KLC2: variants seen among roughly 807,000 people sequenced by gnomAD.
KLC2 encodes KLC 2.
In KLC2, 35 loss-of-function variants were observed where a neutral mutation model predicts 75.1. The observed-to-expected ratio is 0.47, with a 90% CI of 0.36 to 0.62. The LOEUF (loss-of-function observed/expected upper bound fraction) is 0.62. Ranked by LOEUF, KLC2 falls within the 20% of genes least tolerant of loss-of-function variation. The pLI is 0.00. For missense variants in KLC2, 611 were observed against 833.2 expected, an observed-to-expected ratio of 0.73 and a Z score of 3.28; for synonymous variants, 314 against 336.7, an observed-to-expected ratio of 0.93 and a Z score of 0.74.
Position 66,267,846 on chromosome 11 carries a change from A to G in KLC2, c.*890A>G. 1 of 431,988 alleles carries G rather than the reference A, an allele frequency of 2.3e-6. No individual in the cohort carries two copies. Among genetic ancestry groups the G allele is most frequent in the Non-Finnish European group, 4.1e-6 (1 of 246,222 alleles). 26.8% of individuals were successfully genotyped at this position (431,988 alleles called of 1,614,324 possible). A position where few individuals can be genotyped will look rare whatever the true frequency, so the allele number is the denominator to read the frequency against. ...TTCAGATGTTGCTGTAGAAATAAAG[A>G]CGGTTTAAATCTGAGCTGGGCTTGT... On this transcript the variant is annotated 3_prime_UTR_variant, in exon 16 of 16. Coordinates refer to ENST00000394067, the MANE Select transcript of KLC2 (RefSeq NM_001318734.2).
At chr11:66,265,574 C>T in intron 11 of KLC2, 81 bp from the exon 12 acceptor site, 1 of 1,196,622 alleles carries the variant, frequency 8.4e-7, no homozygotes, top group East Asian at 2.5e-5. Context: ...TCCATGCTTC[C>T]TCAGGGCCCA....
At chr11:66,258,967 A>G in intron 2 of KLC2, 145 bp downstream of exon 2, 1 of 635,528 alleles carries the variant, frequency 1.6e-6, no homozygotes, top group Non-Finnish European at 2.7e-6. Flanking sequence ...ATACCTTTTG[A>G]AGAAATAAAT....
intron 5 of KLC2, among the ~76,000 whole-genome samples, chr11:66,263,279 G>A (rs2134822087): frequency 1.3e-5 from 2 of 152,276 alleles, no homozygotes; most frequent in South Asian, 4.1e-4. Flanking sequence ...CTGGAGGAGG[G>A]GCTTTGCCAG....
rs1856540990 is a variant in KLC2, at chr11:66,262,957, C to T, written c.673C>T (p.Leu225Phe). Residue 225 changes from leucine to phenylalanine, a missense_variant, in exon 5 of 16, where the codon CTC becomes TTC. Leu to Phe is a conservative substitution (Grantham distance 22). Coordinates refer to ENST00000394067, the MANE Select transcript of KLC2 (RefSeq NM_001318734.2). ...EVAVPLCKQALEDLEKTSGHD... is the reference protein window; with the variant it reads ...EVAVPLCKQAFEDLEKTSGHD... ...AGCTGTGCCACTCTGCAAGCAGGCA[C>T]TCGAAGACCTGGAGAAGACGTCAGG... 6.2e-7 allele frequency: 1 copy of T among 1,614,050 alleles called. No individual in the cohort carries two copies. The highest frequency in any genetic ancestry group is 2.2e-5 in the East Asian group (1 of 44,870).
At chr11:66,251,018 A>G in the KLC2 span, among the ~76,000 whole-genome samples, 1 of 152,256 alleles carries the variant, frequency 6.6e-6, no homozygotes, top group Non-Finnish European at 1.5e-5. Context: ...TCTCCTTAAT[A>G]CAACACACCG....
chr11:66,263,812 AG>A (rs1856609221), intron 6 of KLC2, 38 bp from the exon 7 acceptor site: 1 of 1,605,158 alleles, frequency 6.2e-7, no homozygotes, highest in Admixed American at 1.7e-5. Context: ...AGAGTCCTGC[AG>A]GGCCTGAGTC....
rs535253470 is a variant in KLC2 at position 66,264,785 on chromosome 11, C to T, written c.1217-238C>T. ...GTCAGTCATCTGCTCCTGAGTCCCT[C>T]GGAGCCTGGCCCATCATTCAGGCCT... On this transcript the variant is annotated intron_variant, in intron 9 of 15. Transcript: ENST00000394067. The T allele has an allele frequency of 1.0e-4, 61 of 587,940 alleles. No homozygotes were observed. The East Asian group carries it at 1.2e-3, about 11-fold the overall frequency. The allele number at this position is 587,940 out of a possible 1,614,324, so 36.4% of individuals were successfully genotyped here.
Position 66,264,356 on chromosome 11 carries a change from C to T in KLC2, c.1128C>T (p.Tyr376=), listed in dbSNP as rs1047465696. ...AKTKNNLASC[Y]LKQGKYQDAE... ...TCTCCCGCTTCCAGGCTTCCTGCTA[C>T]CTGAAGCAGGGCAAGTACCAGGATG... The change falls in exon 9 of 16, where the codon TAC becomes TAT. Residue 376 remains tyrosine, a synonymous_variant. Transcript: ENST00000394067. 5 of 1,612,616 alleles carry T rather than the reference C, an allele frequency of 3.1e-6. No individual in the cohort carries two copies. In the African/African-American group the frequency reaches 5.3e-5, roughly 17 times the overall value.
the KLC2 span, among the ~76,000 whole-genome samples, chr11:66,251,500 A>G: frequency 1.5e-5 from 2 of 133,864 alleles, 1 homozygote; most frequent in Non-Finnish European, 3.5e-5. Context: ...CGTCTCAAAA[A>G]AAGAGGCCTG....
At chr11:66,254,715 C>A (rs1252714742), upstream of KLC2, among the ~76,000 whole-genome samples, 3 of 146,020 alleles carry the variant, frequency 2.1e-5, no homozygotes, top group Non-Finnish European at 4.5e-5. Context: ...GTGGGCGGAT[C>A]ATGGTAAATG....
intron 12 of KLC2, 30 bp from the exon 13 acceptor site, chr11:66,265,824 C>T: frequency 6.3e-7 from 1 of 1,593,230 alleles, no homozygotes; most frequent in South Asian, 1.1e-5. Flanking sequence ...GTGGTCCATT[C>T]ACTGCCTGAT....
intron 1 of KLC2, chr11:66,258,320 G>A (rs190025270): frequency 5.6e-5 from 28 of 500,942 alleles, no homozygotes; most frequent in East Asian, 4.3e-4. Flanking sequence ...GGGGAAACCC[G>A]GACACTGAGC....
intron 8 of KLC2, 21 bp downstream of exon 8, chr11:66,264,240 G>T: frequency 6.4e-7 from 1 of 1,567,796 alleles, no homozygotes; most frequent in South Asian, 1.2e-5. Context: ...GCTGAGAGGA[G>T]CTGGAGGATG....
At chr11:66,248,687 G>A in the KLC2 span, among the ~76,000 whole-genome samples, 4 of 151,954 alleles carry the variant, frequency 2.6e-5, no homozygotes, top group Non-Finnish European at 5.9e-5. Flanking sequence ...CTCCATTTCA[G>A]ACTCCCACCC....
chr11:66,265,786 G>T (rs1856780127), intron 12 of KLC2, 23 bp downstream of exon 12: 1 of 1,610,280 alleles, frequency 6.2e-7, no homozygotes. Context: ...GCAGGAGGGG[G>T]TGGGCAGACA....
chr11:66,254,021 C>T (rs1855984017), upstream of KLC2, among the ~76,000 whole-genome samples: 1 of 151,394 alleles, frequency 6.6e-6, no homozygotes, highest in African/African-American at 2.4e-5. Context: ...GAGGCTGAGG[C>T]GAGTGGATCA....
intron 1 of KLC2, 171 bp from the exon 2 acceptor site, chr11:66,258,413 C>T (rs1207830380): frequency 5.0e-6 from 3 of 595,572 alleles, no homozygotes; most frequent in South Asian, 2.0e-5. Context: ...CCTAGACAAG[C>T]TAGGCGCGCC....
chr11:66,244,188 C>A, the KLC2 span: 2 of 152,362 alleles, frequency 1.3e-5, no homozygotes, highest in South Asian at 2.1e-4. Flanking sequence ...GGGAGGCAGA[C>A]CCCCACCACC....
chr11:66,267,612 C>G lies in KLC2; in HGVS notation c.*656C>G, dbSNP rs927295205. 5 of 599,688 alleles carry G rather than the reference C, an allele frequency of 8.3e-6. No homozygotes were observed. Among genetic ancestry groups the G allele is most frequent in the Non-Finnish European group, 1.5e-5 (5 of 334,798 alleles). The allele number at this position is 599,688 out of a possible 1,614,324, so 37.1% of individuals were successfully genotyped here. A position where few individuals can be genotyped will look rare whatever the true frequency, so the allele number is the denominator to read the frequency against. ...ACCTCCCCTTAGTCCGTCCTCCCACCGCCGGGCCCTGCCCCGCATCCCGGC... is the reference window on the plus strand; with the variant it reads ...ACCTCCCCTTAGTCCGTCCTCCCACGGCCGGGCCCTGCCCCGCATCCCGGC... On this transcript the variant is annotated 3_prime_UTR_variant, in exon 16 of 16. Transcript: ENST00000394067.
Sources: allele counts gnomAD v4.1 joint callset (sites outside exome capture counted in the v4.1 genomes callset), GRCh38; gene constraint gnomAD v4.1.1; transcripts MANE v1.5; gene names NCBI Gene and HGNC (gene_info 2026-07-23, HGNC 2026-07-21).